CAMKMT: variants seen among roughly 807,000 people sequenced by gnomAD.
CAMKMT encodes calmodulin-lysine N-methyltransferase.
CAMKMT carries 53 observed loss-of-function variants against 48.0 expected under a neutral mutation model. The observed-to-expected ratio is 1.10, with a 90% CI of 0.89 to 1.39. The LOEUF (loss-of-function observed/expected upper bound fraction) is 1.39, where lower values mean the gene tolerates loss of function less well. CAMKMT is among the 40% of genes most tolerant of loss of function. The pLI, the probability that CAMKMT is intolerant of heterozygous loss-of-function variation, is 0.00. For synonymous variants in CAMKMT, 165 were observed against 152.3 expected (o/e 1.08, Z -0.61); for missense variants, 428 against 402.7 (o/e 1.06, Z -0.54).
At chr2:44,539,283 CAAA>C (rs35929999) in intron 3 of CAMKMT, among the ~76,000 whole-genome samples, 59 of 117,218 alleles carry the variant, frequency 5.0e-4, no homozygotes, top group South Asian at 4.3e-3. Flanking sequence ...CCAGAAGTCT[CAAA>C]AAAAAAAAAA....
intron 6 of CAMKMT, among the ~76,000 whole-genome samples, chr2:44,715,082 A>G (rs1239272267): frequency 1.3e-5 from 2 of 151,848 alleles, no homozygotes; most frequent in African/African-American, 4.8e-5. Context: ...AGTCCCAGCT[A>G]CTAGGGAGGC....
chr2:44,445,645 G>GTTTT (rs869258613), intron 3 of CAMKMT, among the ~76,000 whole-genome samples: 3 of 101,408 alleles, frequency 3.0e-5, no homozygotes, highest in Non-Finnish European at 6.0e-5. Context: ...CAAAAGGGTA[G>GTTTT]TTTTTTTTTT....
chr2:44,408,405 A>C (rs1682935225), intron 3 of CAMKMT, among the ~76,000 whole-genome samples: 1 of 152,130 alleles, frequency 6.6e-6, no homozygotes, highest in African/African-American at 2.4e-5. Context: ...AAATGATAAT[A>C]GTAGCTCTAG....
intron 3 of CAMKMT, among the ~76,000 whole-genome samples, chr2:44,498,241 T>A (rs1451178732): frequency 2.6e-5 from 4 of 152,178 alleles, no homozygotes; most frequent in South Asian, 2.1e-4. Context: ...CTTCATGTTG[T>A]GGAGTTGGAC....
At chr2:44,599,570 C>G (rs1446944947) in intron 3 of CAMKMT, among the ~76,000 whole-genome samples, 1 of 152,002 alleles carries the variant, frequency 6.6e-6, no homozygotes, top group Non-Finnish European at 1.5e-5. Context: ...TTGTCAGAAG[C>G]ATTTTTTTAA....
intron 3 of CAMKMT, among the ~76,000 whole-genome samples, chr2:44,634,800 C>CA (rs4039616): frequency 0.013 from 1,416 of 110,124 alleles, 83 homozygotes; most frequent in Middle Eastern, 0.021. Context: ...GAGGGCTAGC[C>CA]AAAAAAAAAA....
chr2:44,404,383 G>A (rs1682631756), intron 3 of CAMKMT, among the ~76,000 whole-genome samples: 1 of 151,946 alleles, frequency 6.6e-6, no homozygotes, highest in Admixed American at 6.6e-5. Context: ...TTCTTTAGTA[G>A]GGGTGTTACT....
chr2:44,436,329 C>G (rs1257207351), intron 3 of CAMKMT, among the ~76,000 whole-genome samples: 1 of 152,108 alleles, frequency 6.6e-6, no homozygotes, highest in Non-Finnish European at 1.5e-5. Context: ...CTGCCCACCT[C>G]AGCCTCCCAA....
chr2:44,421,791 A>T (rs1683952177), intron 3 of CAMKMT, among the ~76,000 whole-genome samples: 1 of 152,216 alleles, frequency 6.6e-6, no homozygotes, highest in Non-Finnish European at 1.5e-5. Context: ...TGTTTTAAAG[A>T]TTTAGGAATC....
intron 3 of CAMKMT, chr2:44,631,589 C>T (rs549949253): frequency 7.5e-6 from 4 of 533,534 alleles, no homozygotes; most frequent in Non-Finnish European, 1.3e-5. Flanking sequence ...GCATGAGCCA[C>T]TGCTCCCAGC....
At chr2:44,637,383 T>C (rs1396153855) in intron 3 of CAMKMT, among the ~76,000 whole-genome samples, 1 of 152,166 alleles carries the variant, frequency 6.6e-6, no homozygotes, top group African/African-American at 2.4e-5. Context: ...GTCAGAAGAA[T>C]TTTTTGCACT....
At chr2:44,719,201 C>T (rs1678332238) in intron 7 of CAMKMT, among the ~76,000 whole-genome samples, 2 of 152,132 alleles carry the variant, frequency 1.3e-5, no homozygotes, top group South Asian at 4.1e-4. Context: ...TGTTTCTCTC[C>T]TCTTCTCCAT....
chr2:44,383,499 T>C (rs576263084), intron 2 of CAMKMT, among the ~76,000 whole-genome samples: 22 of 152,300 alleles, frequency 1.4e-4, no homozygotes, highest in Non-Finnish European at 2.5e-4. Context: ...TTCATTTTTT[T>C]CCATAAGTTA....
intron 3 of CAMKMT, chr2:44,395,130 C>T: frequency 5.5e-6 from 2 of 360,372 alleles, no homozygotes; most frequent in South Asian, 4.2e-5. Flanking sequence ...TTTAGTTTTT[C>T]TGTTTCATTG....
intron 3 of CAMKMT, among the ~76,000 whole-genome samples, chr2:44,499,635 T>G (rs965449245): frequency 2.6e-5 from 4 of 152,232 alleles, no homozygotes; most frequent in African/African-American, 9.6e-5. Flanking sequence ...TTGGTACTTG[T>G]CCTGTGACAA....
chr2:44,397,529 C>G (rs1681965546), intron 3 of CAMKMT, among the ~76,000 whole-genome samples: 1 of 152,144 alleles, frequency 6.6e-6, no homozygotes, highest in African/African-American at 2.4e-5. Flanking sequence ...ATTTCCCTAG[C>G]CATGTGTCTC....
intron 3 of CAMKMT, among the ~76,000 whole-genome samples, chr2:44,646,448 C>T (rs958912778): frequency 2.6e-5 from 4 of 151,970 alleles, no homozygotes; most frequent in African/African-American, 9.7e-5. Flanking sequence ...GAAAGTTCAA[C>T]AAACTTCTTA....
intron 7 of CAMKMT, among the ~76,000 whole-genome samples, chr2:44,742,797 G>A (rs1679751117): frequency 6.6e-6 from 1 of 152,036 alleles, no homozygotes; most frequent in Admixed American, 6.6e-5. Flanking sequence ...AAATATAACT[G>A]GGCAGGGTAG....
At chr2:44,428,465 A>C (rs1422520846) in intron 3 of CAMKMT, among the ~76,000 whole-genome samples, 2 of 152,176 alleles carry the variant, frequency 1.3e-5, no homozygotes, top group Non-Finnish European at 1.5e-5. Context: ...GTGGGGGGCA[A>C]AAAGGCAGCA....
Sources: gnomAD v4.1 joint callset for allele counts (sites outside exome capture counted in the v4.1 genomes callset) on GRCh38, gnomAD v4.1.1 for gene constraint, MANE v1.5 for transcripts, NCBI Gene and HGNC (gene_info 2026-07-23, HGNC 2026-07-21) for gene names.